The following PHTF1 variants were observed in gnomAD, a reference collection of about 807,000 sequenced individuals.
The protein encoded by PHTF1 is protein PHTF1.
Under a neutral mutation model 102.4 loss-of-function variants are expected in PHTF1, and 88 were observed. That is an observed-to-expected ratio of 0.86 (90% confidence interval 0.72 to 1.03). The LOEUF (loss-of-function observed/expected upper bound fraction) is 1.03, where lower values mean the gene tolerates loss of function less well. Among genes scored for constraint, PHTF1 ranks in the 50% least tolerant of loss-of-function variants. PHTF1 has a pLI of 0.00. For missense variants in PHTF1, 814 were observed against 909.5 expected (o/e 0.89, Z 1.35); for synonymous variants, 289 against 305.2 (o/e 0.95, Z 0.55).
At chr1:113,707,961 C>CT (rs1283026437) in intron 11 of PHTF1, among the ~76,000 whole-genome samples, 3 of 85,580 alleles carry the variant, frequency 3.5e-5, no homozygotes, top group African/African-American at 1.4e-4. Context: ...GCATAAGGGC[C>CT]CAGAGGCACA....
chr1:113,730,140 G>C (rs1373990380), intron 5 of PHTF1, among the ~76,000 whole-genome samples: 1 of 152,018 alleles, frequency 6.6e-6, no homozygotes, highest in Non-Finnish European at 1.5e-5. Flanking sequence ...AGTGATCCTG[G>C]GGACCCCCAA....
chr1:113,735,512 T>G (rs1308808434), intron 5 of PHTF1, among the ~76,000 whole-genome samples: 1 of 151,724 alleles, frequency 6.6e-6, no homozygotes, highest in African/African-American at 2.4e-5. Flanking sequence ...TATGCCCATA[T>G]GATGAATTAT....
At chr1:113,738,615 G>C in intron 4 of PHTF1, 115 bp downstream of exon 4, 1 of 692,192 alleles carries the variant, frequency 1.4e-6, no homozygotes, top group Non-Finnish European at 2.5e-6. Flanking sequence ...AATGATGAGA[G>C]TAAAGTGTTA....
intron 16 of PHTF1, chr1:113,700,058 T>C: frequency 3.6e-6 from 4 of 1,121,086 alleles, no homozygotes; most frequent in Non-Finnish European, 4.4e-6. Context: ...ATTTTAATAT[T>C]ACTTGCAACA....
chr1:113,706,960 C>CCTCTATATATATA (rs1349787234), intron 11 of PHTF1, among the ~76,000 whole-genome samples: 4 of 149,674 alleles, frequency 2.7e-5, no homozygotes, highest in African/African-American at 7.4e-5. Flanking sequence ...TCTATACAGC[C>CCTCTATATATATA]TTCTGTGTAG....
At chr1:113,703,253 G>A (rs1649645255) in intron 15 of PHTF1, among the ~76,000 whole-genome samples, 1 of 152,228 alleles carries the variant, frequency 6.6e-6, no homozygotes, top group African/African-American at 2.4e-5. Flanking sequence ...CTGAATGTAT[G>A]CTGGATAACA....
intron 5 of PHTF1, among the ~76,000 whole-genome samples, chr1:113,736,726 A>T (rs1017662940): frequency 3.3e-5 from 5 of 152,084 alleles, no homozygotes; most frequent in African/African-American, 1.2e-4. Flanking sequence ...GCCTGGGAAA[A>T]AAGAGCCAAA....
At chr1:113,757,994 T>C (rs1659132673) in intron 2 of PHTF1, among the ~76,000 whole-genome samples, 1 of 152,134 alleles carries the variant, frequency 6.6e-6, no homozygotes, top group Non-Finnish European at 1.5e-5. Flanking sequence ...AATATTACCT[T>C]AAAAGATATT....
chr1:113,715,648 C>CAAAAAAAAAAAAAAAAAAAAAAAAAAAAA (rs60517410), intron 7 of PHTF1, among the ~76,000 whole-genome samples: 1 of 24,978 alleles, frequency 4.0e-5, no homozygotes, highest in Admixed American at 7.8e-4. Flanking sequence ...AACCCTGTCT[C>CAAAAAAAAAAAAAAAAAAAAAAAAAAAAA]AAAAAAAAAA....
chr1:113,705,742 A>G lies in PHTF1; in HGVS notation c.1671+148T>C, dbSNP rs191382928. 3,092 of 669,974 alleles carry G rather than the reference A, an allele frequency of 4.6e-3. 10 individuals carry two copies. Among genetic ancestry groups the G allele is most frequent in the Non-Finnish European group, 5.3e-3 (2,083 of 392,896 alleles). 41.5% of individuals were successfully genotyped at this position (669,974 alleles called of 1,614,324 possible). A position where few individuals can be genotyped will look rare whatever the true frequency, so the allele number is the denominator to read the frequency against. ...TATGTAAATAGTCAATAACACAAAC[A>G]ATAAATCCACAAATATCAAAAGTCC... On this transcript the variant is annotated intron_variant, in intron 13 of 18. Transcript: ENST00000369604.
At chr1:113,717,134 T>A (rs2101275832) in intron 7 of PHTF1, among the ~76,000 whole-genome samples, 1 of 152,274 alleles carries the variant, frequency 6.6e-6, no homozygotes, top group East Asian at 1.9e-4. Flanking sequence ...TGCTTGTTTA[T>A]GCAATCAGTG....
At chr1:113,737,573 AAC>A (rs1655685177) in intron 5 of PHTF1, among the ~76,000 whole-genome samples, 1 of 152,190 alleles carries the variant, frequency 6.6e-6, no homozygotes, top group South Asian at 2.1e-4. Context: ...CTGTAATCCC[AAC>A]ACTTTTGGGC....
chr1:113,744,900 G>C (rs1212206794), intron 3 of PHTF1, among the ~76,000 whole-genome samples: 3 of 147,904 alleles, frequency 2.0e-5, no homozygotes, highest in African/African-American at 7.5e-5. Context: ...AGGGAGACAA[G>C]ATCAAGCCAC....
At chr1:113,740,814 TGAGGTCAA>T (rs140172304) in intron 3 of PHTF1, among the ~76,000 whole-genome samples, 15,761 of 152,108 alleles carry the variant, frequency 0.1, 1,048 homozygotes, top group East Asian at 0.23. Flanking sequence ...GGAGGATACT[TGAGGTCAA>T]GAGTTTGAGA....
chr1:113,734,894 C>T (rs1046015942), intron 5 of PHTF1, among the ~76,000 whole-genome samples: 4 of 152,166 alleles, frequency 2.6e-5, no homozygotes, highest in Non-Finnish European at 5.9e-5. Context: ...AGCAGGCCCT[C>T]ACCAGATACC....
chr1:113,732,782 T>G (rs1261713527), intron 5 of PHTF1, among the ~76,000 whole-genome samples: 1 of 152,152 alleles, frequency 6.6e-6, no homozygotes, highest in African/African-American at 2.4e-5. Flanking sequence ...ATAAATAATT[T>G]AATAATAAAT....
intron 14 of PHTF1, 100 bp from the exon 15 acceptor site, chr1:113,704,267 T>G: frequency 3.3e-6 from 2 of 614,860 alleles, no homozygotes; most frequent in Non-Finnish European, 5.6e-6. Context: ...CGTGTGAAAA[T>G]AATGTTTATA....
intron 5 of PHTF1, among the ~76,000 whole-genome samples, chr1:113,737,507 C>G (rs1339825034): frequency 2.0e-5 from 3 of 152,128 alleles, no homozygotes; most frequent in Non-Finnish European, 4.4e-5. Context: ...GAGAATAGAA[C>G]CTAGGGTGCA....
chr1:113,710,468 C>A lies in PHTF1; in HGVS notation c.1055G>T (p.Arg352Ile). Residue 352 changes from arginine (R) to isoleucine (I), a missense_variant, in exon 11 of 19, where the codon AGA becomes ATA. Physicochemically the swap from Arg to Ile is moderately conservative, Grantham distance 97. Coordinates refer to ENST00000369604, the MANE Select transcript of PHTF1 (RefSeq NM_001323043.2). The stretch of plus-strand genomic sequence containing the variant: ...TCGAGAGCCACCACTCACACCCGAT[C>A]TAGAGCCCTTTAAAGGAAAACAAAA... The part of the protein sequence containing the change: ...FESAAFSQGS[R>I]SGVSGGSRSL... 4 of 1,613,168 alleles carry A rather than the reference C, an allele frequency of 2.5e-6. No homozygotes were observed. Among genetic ancestry groups the A allele is most frequent in the Middle Eastern group, 3.3e-4 (2 of 6,056 alleles).
Sources: gnomAD v4.1 joint callset for allele counts (sites outside exome capture counted in the v4.1 genomes callset) on GRCh38, gnomAD v4.1.1 for gene constraint, MANE v1.5 for transcripts, NCBI Gene and HGNC (gene_info 2026-07-23, HGNC 2026-07-21) for gene names.